The following TP63 variants were observed in gnomAD, a reference collection of about 807,000 sequenced individuals.
TP63 encodes tumor protein 63.
In TP63, 17 loss-of-function variants were observed where a neutral mutation model predicts 82.8. The observed-to-expected ratio is 0.21, with a 90% CI of 0.14 to 0.31. The LOEUF is 0.31. Ranked by LOEUF, TP63 falls within the 10% of genes least tolerant of loss-of-function variation. The pLI, the probability that TP63 is intolerant of heterozygous loss-of-function variation, is 1.00. For synonymous variants in TP63, 330 were observed against 321.7 expected (o/e 1.03, Z -0.28); for missense variants, 648 against 895.3 (o/e 0.72, Z 3.52).
At chr3:189,687,593 TGA>T (rs989725762) in intron 1 of TP63, among the ~76,000 whole-genome samples, 1 of 152,132 alleles carries the variant, frequency 6.6e-6, no homozygotes, top group Non-Finnish European at 1.5e-5. Context: ...CAAAAAACAG[TGA>T]GACTCCGAAT....
chr3:189,612,222 CAA>C, the TP63 span, among the ~76,000 whole-genome samples: 1 of 152,036 alleles, frequency 6.6e-6, no homozygotes, highest in African/African-American at 2.4e-5. Flanking sequence ...TGACACCATT[CAA>C]ATTTCAGCTT....
intron 1 of TP63, among the ~76,000 whole-genome samples, chr3:189,671,611 A>G (rs1410164444): frequency 3.9e-5 from 6 of 152,172 alleles, no homozygotes; most frequent in African/African-American, 9.6e-5. Flanking sequence ...AGATCTATTT[A>G]AAATAGCCAA....
At chr3:189,830,699 T>G (rs1712196907) in intron 4 of TP63, among the ~76,000 whole-genome samples, 2 of 152,146 alleles carry the variant, frequency 1.3e-5, no homozygotes, top group Non-Finnish European at 1.5e-5. Context: ...ATGTATAGTC[T>G]CTTGGCAGGG....
At chr3:189,786,986 A>G (rs1212493076) in intron 3 of TP63, among the ~76,000 whole-genome samples, 1 of 152,214 alleles carries the variant, frequency 6.6e-6, no homozygotes, top group South Asian at 2.1e-4. Flanking sequence ...TGATATTTAC[A>G]TCAGCTACTC....
At chr3:189,630,852 G>C (rs1167235765), upstream of TP63, among the ~76,000 whole-genome samples, 1 of 146,492 alleles carries the variant, frequency 6.8e-6, no homozygotes, top group East Asian at 2.2e-4. Flanking sequence ...GAATTTCCCT[G>C]TCTTTGCTAT....
At chr3:189,827,270 G>A (rs1483614466) in intron 4 of TP63, among the ~76,000 whole-genome samples, 5 of 152,158 alleles carry the variant, frequency 3.3e-5, no homozygotes, top group African/African-American at 1.2e-4. Flanking sequence ...CACCACCTCT[G>A]TCTGCCATGC....
chr3:189,836,428 G>A (rs1237765511), intron 4 of TP63, among the ~76,000 whole-genome samples: 1 of 152,128 alleles, frequency 6.6e-6, no homozygotes, highest in Non-Finnish European at 1.5e-5. Context: ...GCCTTGGAAA[G>A]TATAACTCTT....
intron 4 of TP63, among the ~76,000 whole-genome samples, chr3:189,818,530 C>T (rs1187548162): frequency 1.3e-5 from 2 of 151,690 alleles, no homozygotes; most frequent in Admixed American, 6.6e-5. Flanking sequence ...AATTTTGATC[C>T]ATTTCATGGG....
chr3:189,726,209 C>T (rs1330417836), intron 1 of TP63, among the ~76,000 whole-genome samples: 3 of 151,954 alleles, frequency 2.0e-5, no homozygotes, highest in South Asian at 2.1e-4. Flanking sequence ...CTGGGTGGGC[C>T]GATCGTCTTA....
intron 9 of TP63, among the ~76,000 whole-genome samples, chr3:189,872,554 A>G (rs561559389): frequency 1.6e-3 from 247 of 152,216 alleles, no homozygotes; most frequent in African/African-American, 5.6e-3. Flanking sequence ...CAAAAATGTA[A>G]AACACGTGGC....
chr3:189,671,062 G>A (rs2108673056), intron 1 of TP63, among the ~76,000 whole-genome samples: 2 of 152,128 alleles, frequency 1.3e-5, no homozygotes, highest in South Asian at 4.1e-4. Context: ...CTTGTGCACA[G>A]CAAAGGAAAC....
chr3:189,612,176 G>T, the TP63 span, among the ~76,000 whole-genome samples: 3 of 152,000 alleles, frequency 2.0e-5, no homozygotes, highest in Admixed American at 2.0e-4. Flanking sequence ...TGAGGACTGT[G>T]TTCCTTTGGG....
intron 3 of TP63, among the ~76,000 whole-genome samples, chr3:189,800,494 A>G (rs1015656843): frequency 6.6e-6 from 1 of 151,906 alleles, no homozygotes; most frequent in African/African-American, 2.4e-5. Context: ...AAAAAAGAAA[A>G]AAAAAGCAAA....
At chr3:189,783,635 C>T (rs1427076985) in intron 3 of TP63, among the ~76,000 whole-genome samples, 1 of 151,846 alleles carries the variant, frequency 6.6e-6, no homozygotes, top group Non-Finnish European at 1.5e-5. Context: ...GAAGACACTA[C>T]TCCCTCAACA....
intron 3 of TP63, among the ~76,000 whole-genome samples, chr3:189,770,531 C>T (rs1723261645): frequency 6.6e-6 from 1 of 151,390 alleles, no homozygotes; most frequent in South Asian, 2.1e-4. Flanking sequence ...TTCCACTGCA[C>T]TCCAGCCTGG....
At chr3:189,606,763 G>A in the TP63 span, among the ~76,000 whole-genome samples, 4 of 151,856 alleles carry the variant, frequency 2.6e-5, no homozygotes, top group South Asian at 2.1e-4. Flanking sequence ...TGCCTGACTC[G>A]GCCTCCCAAA....
intron 3 of TP63, chr3:189,789,518 T>C: frequency 2.5e-6 from 1 of 392,828 alleles, no homozygotes. Flanking sequence ...GAATTCTAAC[T>C]ACTTAATGAG....
At chr3:189,798,934 T>A (rs1402821808) in intron 3 of TP63, among the ~76,000 whole-genome samples, 1 of 152,114 alleles carries the variant, frequency 6.6e-6, no homozygotes, top group East Asian at 1.9e-4. Flanking sequence ...CATATCTAAT[T>A]GCAAAGTAAT....
chr3:189,765,711 G>T (rs932681363), intron 3 of TP63, among the ~76,000 whole-genome samples: 2 of 151,692 alleles, frequency 1.3e-5, no homozygotes, highest in African/African-American at 4.8e-5. Context: ...GGGATTTAAG[G>T]CGTGAGCCAC....
Sources: allele counts gnomAD v4.1 joint callset (sites outside exome capture counted in the v4.1 genomes callset), GRCh38; gene constraint gnomAD v4.1.1; transcripts MANE v1.5; gene names NCBI Gene and HGNC (gene_info 2026-07-23, HGNC 2026-07-21).